The following PCDHGA6 variants were observed in gnomAD, a reference collection of about 807,000 sequenced individuals.
PCDHGA6 encodes protocadherin gamma-A6.
Under a neutral mutation model 60.6 loss-of-function variants are expected in PCDHGA6, and 41 were observed. The observed-to-expected ratio is 0.68, with a 90% CI of 0.53 to 0.88. The LOEUF is 0.88. Among genes scored for constraint, PCDHGA6 ranks in the 40% least tolerant of loss-of-function variants. The probability of loss-of-function intolerance (pLI) is 0.00; values close to 1 mark genes in which losing one functional copy is unlikely to be tolerated. For synonymous variants in PCDHGA6, 594 were observed against 524.4 expected, an observed-to-expected ratio of 1.13 and a Z score of -1.81; for missense variants, 1,312 against 1,203.0, an observed-to-expected ratio of 1.09 and a Z score of -1.34.
chr5:141,381,826 C>CT (rs770630741), intron 1 of PCDHGA6, among the ~76,000 whole-genome samples: 11,762 of 74,396 alleles, frequency 0.16, 1,041 homozygotes, highest in Non-Finnish European at 0.18. Flanking sequence ...CTTTCTTCTT[C>CT]TTTTTTTTTT....
intron 1 of PCDHGA6, chr5:141,405,580 G>T: frequency 1.7e-6 from 1 of 591,996 alleles, no homozygotes; most frequent in South Asian, 2.1e-5. Flanking sequence ...GAGTAGCTGG[G>T]ACTACAGGCC....
At position 141,375,406 on chromosome 5, in the gene PCDHGA6, T is replaced by A; in HGVS notation, c.1323T>A (p.Asn441Lys). Residue 441 changes from asparagine (N) to lysine (K), a missense_variant, in exon 1 of 4, where the codon AAT becomes AAA. Transcript: ENST00000517434. ...PLSTETIISL[N>K]VADTNDNPPT... ...CTACAGAAACAATCATCTCTCTAAA[T>A]GTGGCAGACACCAACGACAACCCGC... 1 of 1,613,968 alleles carries A rather than the reference T, an allele frequency of 6.2e-7. No individual in the cohort carries two copies. Among genetic ancestry groups the A allele is most frequent in the Admixed American group, 1.7e-5 (1 of 60,024 alleles).
chr5:141,500,148 G>T (rs936567158), intron 2 of PCDHGA6, among the ~76,000 whole-genome samples: 6 of 150,990 alleles, frequency 4.0e-5, no homozygotes, highest in African/African-American at 1.5e-4. Flanking sequence ...ACTTTTCTTT[G>T]TGTAATCAAA....
intron 1 of PCDHGA6, chr5:141,392,941 C>T (rs780347240): frequency 6.2e-7 from 1 of 1,613,940 alleles, no homozygotes. Context: ...GACAAAGGCT[C>T]CTTCGTGGGT....
Position 141,386,595 on chromosome 5 carries a change from A to AT in PCDHGA6, c.2424+10100dup, listed in dbSNP as rs373179212. On this transcript the variant is annotated intron_variant, in intron 1 of 3. Coordinates refer to ENST00000517434, the MANE Select transcript of PCDHGA6 (RefSeq NM_018919.3). ...CTCTGTACAATAGTGTGGGGGATAC[A>AT]TTTTTTTTTTTTGACATGGAGTCTC... Among the ~76,000 whole-genome samples, 373 of 146,122 alleles carry AT rather than the reference A, an allele frequency of 2.6e-3. 1 individual carries two copies. The highest frequency in any genetic ancestry group is 0.012 in the East Asian group (62 of 5,036).
chr5:141,430,970 A>G (rs1026736997), intron 1 of PCDHGA6: 3 of 1,613,068 alleles, frequency 1.9e-6, no homozygotes, highest in Non-Finnish European at 2.5e-6. Context: ...CCCCAGAGGT[A>G]GGACGCAGCT....
chr5:141,430,997 C>T, intron 1 of PCDHGA6: 1 of 1,613,926 alleles, frequency 6.2e-7, no homozygotes, highest in Non-Finnish European at 8.5e-7. Context: ...CCTGAATCCG[C>T]GCAGCGGCAG....
In PCDHGA6 at chr5:141,399,794, C is replaced by A. The variant is rs2093888579; in HGVS notation, c.2424+23287C>A. ...GTGGGCGACCGAAACGACAACGCAC[C>A]GCGGGTGCTGTACCCCGCGCTGGGT... is the stretch of plus-strand genomic sequence containing the variant. On this transcript the variant is annotated intron_variant, in intron 1 of 3. Transcript: ENST00000517434. 1.9e-6 allele frequency: 3 copies of A among 1,613,268 alleles called. No homozygotes were observed. The highest frequency in any genetic ancestry group is 1.1e-5 in the South Asian group (1 of 91,052).
chr5:141,502,629 G>A (rs1368174848), intron 2 of PCDHGA6, among the ~76,000 whole-genome samples: 1 of 152,096 alleles, frequency 6.6e-6, no homozygotes, highest in Non-Finnish European at 1.5e-5. Context: ...GTAATCTGTG[G>A]ATGATACTTT....
In PCDHGA6 at chr5:141,494,836, C is replaced by G. The variant is rs1016713543; in HGVS notation, c.2454C>G (p.Phe818Leu). ...CCCCGCCCAACACGGACTGGCGTTT[C>G]TCTCAGGCCCAGAGACCCGGCACCA... ...QQAPPNTDWR[F>L]SQAQRPGTSG... The change falls in exon 2 of 4, where the codon TTC (phenylalanine) becomes TTG (leucine). Residue 818 changes from phenylalanine (F) to leucine (L), a missense_variant. Phe to Leu is a conservative substitution (Grantham distance 22, BLOSUM62 0). Coordinates refer to ENST00000517434, the MANE Select transcript of PCDHGA6 (RefSeq NM_018919.3). 1.9e-6 allele frequency: 3 copies of G among 1,614,054 alleles called. No individual in the cohort carries two copies. The highest frequency in any genetic ancestry group is 2.7e-5 in the African/African-American group (2 of 74,932).
In PCDHGA6 at chr5:141,490,413, G is replaced by C. The variant is rs2233606; in HGVS notation, c.2425-4394G>C. 6 of 1,614,128 alleles carry C rather than the reference G, an allele frequency of 3.7e-6. No individual in the cohort carries two copies. In the South Asian group the frequency reaches 4.4e-5, roughly 12 times the overall value. On this transcript the variant is annotated intron_variant, in intron 1 of 3. Transcript: ENST00000517434. The surrounding 1 kb of genome is among the most constrained non-coding windows in gnomAD (Gnocchi z 5.4). ...GTGAAGTGAGCCTTGATATCTCTCCGGACCTGCCATTTCAGATTAAGCCTT... is the reference window on the plus strand; with the variant it reads ...GTGAAGTGAGCCTTGATATCTCTCCCGACCTGCCATTTCAGATTAAGCCTT...
At chr5:141,425,624 G>T (rs1007643604) in intron 1 of PCDHGA6, among the ~76,000 whole-genome samples, 1 of 152,184 alleles carries the variant, frequency 6.6e-6, no homozygotes, top group African/African-American at 2.4e-5. Flanking sequence ...TGCTCCTCCA[G>T]TTTTCTCTGA....
rs1342484281 is a variant in PCDHGA6, at chr5:141,376,050, C to G, written c.1967C>G (p.Ala656Gly). 2.5e-6 allele frequency: 4 copies of G among 1,613,234 alleles called. No homozygotes were observed. Among genetic ancestry groups the G allele is most frequent in the Non-Finnish European group, 3.4e-6 (4 of 1,179,904 alleles). Residue 656 changes from alanine to glycine, a missense_variant, in exon 1 of 4, where the codon GCC becomes GGC. Coordinates refer to ENST00000517434, the MANE Select transcript of PCDHGA6 (RefSeq NM_018919.3). ...VQDHGQPPLS[A>G]TVTLTVAVAD... The stretch of plus-strand genomic sequence containing the variant: ...GACCACGGCCAGCCCCCTCTCTCCG[C>G]CACTGTCACGCTCACCGTGGCCGTG...
chr5:141,430,619 A>G lies in PCDHGA6; in HGVS notation c.2424+54112A>G, dbSNP rs192473783. ...CGCCTGAAGCACAAAGCAGATAGCT[A>G]GGAATGAACCATCCCTGGGAGTATG... On this transcript the variant is annotated intron_variant, in intron 1 of 3. Coordinates refer to ENST00000517434, the MANE Select transcript of PCDHGA6 (RefSeq NM_018919.3). 9.4e-5 allele frequency: 68 copies of G among 720,190 alleles called. 1 individual carries two copies. The African/African-American group carries it at 1.1e-3, about 12-fold the overall frequency. 44.6% of individuals were successfully genotyped at this position (720,190 alleles called of 1,614,324 possible). A position where few individuals can be genotyped will look rare whatever the true frequency, so the allele number is the denominator to read the frequency against.
chr5:141,411,193 AAAAC>A (rs1267742802), intron 1 of PCDHGA6: 2 of 152,212 alleles, frequency 1.3e-5, no homozygotes, highest in African/African-American at 4.8e-5. Flanking sequence ...GGCATCTAAG[AAAAC>A]AAACAAGTAA....
chr5:141,431,424 G>T lies in PCDHGA6; in HGVS notation c.2424+54917G>T, dbSNP rs747132868. 6.8e-6 allele frequency: 11 copies of T among 1,613,676 alleles called. No homozygotes were observed. The highest frequency in any genetic ancestry group is 5.9e-6 in the Non-Finnish European group (7 of 1,180,028). On this transcript the variant is annotated intron_variant, in intron 1 of 3. Coordinates refer to ENST00000517434, the MANE Select transcript of PCDHGA6 (RefSeq NM_018919.3). The surrounding 1 kb of genome is among the most constrained non-coding windows in gnomAD (Gnocchi z 4.8). ...GCCTCCGACGGGGGCGACCCGGTGC[G>T]CACAGGCACCGCGCGCATCCGCGTG...
intron 1 of PCDHGA6, among the ~76,000 whole-genome samples, chr5:141,466,008 G>C (rs1298363274): frequency 6.6e-6 from 1 of 151,970 alleles, no homozygotes; most frequent in Non-Finnish European, 1.5e-5. Flanking sequence ...TGTAGTCCCA[G>C]CTACTCGGGA....
intron 1 of PCDHGA6, chr5:141,404,355 G>A (rs1170833341): frequency 6.2e-7 from 1 of 1,613,896 alleles, no homozygotes; most frequent in Admixed American, 1.7e-5. Flanking sequence ...AACGCCAGAG[G>A]TACTTCCATC....
intron 1 of PCDHGA6, chr5:141,478,613 G>T: frequency 6.4e-7 from 1 of 1,557,312 alleles, no homozygotes; most frequent in African/African-American, 1.4e-5. Flanking sequence ...ATTGAGGAAG[G>T]AATGGAGCTG....
Sources: gnomAD v4.1 joint callset for allele counts (sites outside exome capture counted in the v4.1 genomes callset) on GRCh38, gnomAD v4.1.1 for gene constraint, Gnocchi (gnomAD v3.1) non-coding constraint, MANE v1.5 for transcripts, NCBI Gene and HGNC (gene_info 2026-07-23, HGNC 2026-07-21) for gene names.